PDZD2: variants seen among roughly 807,000 people sequenced by gnomAD.
PDZD2 encodes PDZ domain containing 2, also known as PDZ domain-containing protein 2.
Under a neutral mutation model 220.7 loss-of-function variants are expected in PDZD2, and 90 were observed. That is an observed-to-expected ratio of 0.41 (90% CI 0.34 to 0.49). The LOEUF (loss-of-function observed/expected upper bound fraction) is 0.49. PDZD2 is among the 20% of genes least tolerant of loss of function. The pLI is 0.28. For missense variants in PDZD2, 3,174 were observed against 3,608.5 expected, an observed-to-expected ratio of 0.88 and a Z score of 3.08; for synonymous variants, 1,375 against 1,450.5, an observed-to-expected ratio of 0.95 and a Z score of 1.18.
In PDZD2 at chr5:31,948,181, C is replaced by T. The variant is rs34133250; in HGVS notation, c.477-34974C>T. On this transcript the variant is annotated intron_variant, in intron 2 of 24. Coordinates refer to ENST00000438447, the MANE Select transcript of PDZD2 (RefSeq NM_178140.4). ...AATGGCCCATTAGTGAATCATTTCACACCCTCTGCCCTTTTTGTGGTGGCT... is the reference window on the plus strand; with the variant it reads ...AATGGCCCATTAGTGAATCATTTCATACCCTCTGCCCTTTTTGTGGTGGCT... Among the ~76,000 whole-genome samples, 1,218 of 152,278 alleles carry T rather than the reference C, an allele frequency of 8.0e-3. 12 individuals are homozygous for T. Among genetic ancestry groups the T allele is most frequent in the Middle Eastern group, 0.017 (5 of 294 alleles).
chr5:32,002,586 C>T (rs919283931), intron 5 of PDZD2, among the ~76,000 whole-genome samples: 3 of 119,146 alleles, frequency 2.5e-5, no homozygotes, highest in Non-Finnish European at 6.5e-5. Context: ...ACACCTCACA[C>T]ATACCACACA....
chr5:31,790,321 C>G (rs918513658), intron 1 of PDZD2, among the ~76,000 whole-genome samples: 6 of 152,200 alleles, frequency 3.9e-5, no homozygotes, highest in African/African-American at 1.4e-4. Context: ...TTGTCTCAGT[C>G]TCTTGACCTC....
intron 2 of PDZD2, among the ~76,000 whole-genome samples, chr5:31,867,290 T>G (rs1021861439): frequency 2.0e-5 from 3 of 152,172 alleles, no homozygotes; most frequent in Non-Finnish European, 4.4e-5. Flanking sequence ...GTGTATACAG[T>G]TGGGGGCTAT....
chr5:32,009,747 T>C (rs1367719246), intron 5 of PDZD2, among the ~76,000 whole-genome samples: 2 of 150,084 alleles, frequency 1.3e-5, no homozygotes, highest in Admixed American at 1.3e-4. Context: ...AAAAAAATGA[T>C]TGTTTTATAA....
At chr5:31,958,321 T>A (rs1468042331) in intron 2 of PDZD2, among the ~76,000 whole-genome samples, 3 of 151,536 alleles carry the variant, frequency 2.0e-5, no homozygotes, top group Non-Finnish European at 4.4e-5. Flanking sequence ...TGGTGCAGTC[T>A]CAGGTCACTG....
At chr5:32,003,103 C>T (rs1256098361) in intron 5 of PDZD2, among the ~76,000 whole-genome samples, 2 of 124,046 alleles carry the variant, frequency 1.6e-5, no homozygotes, top group Non-Finnish European at 3.4e-5. Flanking sequence ...CACACACACA[C>T]CCCACAAACA....
intron 1 of PDZD2, among the ~76,000 whole-genome samples, chr5:31,729,901 A>G (rs183102999): frequency 1.2e-4 from 19 of 152,114 alleles, no homozygotes; most frequent in African/African-American, 4.6e-4. Context: ...GATCTCGGCT[A>G]ACTGCAACCT....
chr5:32,073,919 C>G lies in PDZD2; in HGVS notation c.2813C>G (p.Thr938Arg), dbSNP rs1215435065. Residue 938 changes from threonine (T) to arginine (R), a missense_variant, in exon 18 of 25, where the codon ACA becomes AGA. Transcript: ENST00000438447. Reference protein sequence around the residue: ...RASGLFHKQVTVARQASLPGS... With the variant: ...RASGLFHKQVRVARQASLPGS... ...TCTGGGCTCTTCCACAAGCAGGTGA[C>G]AGTTGCCAGACAAGCCAGTCTCCCC... 1.2e-6 allele frequency: 2 copies of G among 1,614,100 alleles called. No individual in the cohort carries two copies. The highest frequency in any genetic ancestry group is 1.1e-5 in the South Asian group (1 of 91,080).
chr5:32,071,656 GT>G (rs59646096), intron 16 of PDZD2, among the ~76,000 whole-genome samples: 22,218 of 152,224 alleles, frequency 0.15, 1,698 homozygotes, highest in East Asian at 0.23. Context: ...CTGAACTACA[GT>G]TTGCAAAATA....
chr5:31,752,073 G>GTTTTGTTTTT lies in PDZD2; in HGVS notation c.-360-46812_-360-46811insGTTTTTTTTT, dbSNP rs1751018299. 2.3e-4 allele frequency among the ~76,000 whole-genome samples: 22 copies of GTTTTGTTTTT among 95,064 alleles called. 1 individual carries two copies. The highest frequency in any genetic ancestry group is 8.4e-4 in the African/African-American group (20 of 23,912). The allele number at this position is 95,064 out of a possible 152,430, so 62.4% of individuals were successfully genotyped here. On this transcript the variant is annotated intron_variant, in intron 1 of 24. Transcript: ENST00000438447. ...TTGTTTGTTTTATTGTTTTGGGTTT[G>GTTTTGTTTTT]TTTTTTTTTTTTTTTTTCTGAGACA...
chr5:32,089,716 C>G lies in PDZD2; in HGVS notation c.6268C>G (p.Leu2090Val). The G allele has an allele frequency of 6.2e-7, 1 of 1,614,180 alleles. No homozygotes were observed. Among genetic ancestry groups the G allele is most frequent in the Non-Finnish European group, 8.5e-7 (1 of 1,180,032 alleles). The change falls in exon 20 of 25, where the codon CTG (leucine) becomes GTG (valine). Residue 2090 changes from leucine (L) to valine (V), a missense_variant. This residue lies in a region of PDZD2 where 1,861 missense variants were observed against 2,001.0 expected (regional missense o/e 0.93). Transcript: ENST00000438447. ...CGATCGCCTCGAAAGAACAAACCAG[C>G]TGAAAATCGTGGAGATTTCTGCTGA... ...ASDRLERTNQ[L>V]KIVEISAEAV... is the part of the protein sequence containing the mutation.
At chr5:31,981,713 T>G (rs7714133) in intron 2 of PDZD2, among the ~76,000 whole-genome samples, 97,990 of 151,970 alleles carry the variant, frequency 0.64, 31,732 homozygotes, top group East Asian at 0.81. Flanking sequence ...TGGGAACGAG[T>G]GATGTGTAGA....
chr5:31,708,482 T>C (rs1289769121), intron 1 of PDZD2, among the ~76,000 whole-genome samples: 1 of 152,248 alleles, frequency 6.6e-6, no homozygotes, highest in Non-Finnish European at 1.5e-5. Context: ...AAGCTCTTTC[T>C]TTCTTTTTTC....
chr5:31,953,179 C>G (rs1339263994), intron 2 of PDZD2, among the ~76,000 whole-genome samples: 2 of 151,870 alleles, frequency 1.3e-5, no homozygotes, highest in African/African-American at 4.8e-5. Flanking sequence ...ACACACAGAT[C>G]AGTGGAACAG....
intron 3 of PDZD2, among the ~76,000 whole-genome samples, chr5:31,994,017 GT>G (rs569300692): frequency 6.6e-6 from 1 of 151,660 alleles, no homozygotes; most frequent in East Asian, 1.9e-4. Flanking sequence ...TATTGTTTTT[GT>G]TTTTTTTGTT....
intron 2 of PDZD2, chr5:31,936,282 C>T (rs1462084466): frequency 1.0e-6 from 1 of 987,540 alleles, no homozygotes; most frequent in African/African-American, 1.7e-5. Context: ...ACTTTGGAGT[C>T]TGTCCCATTC....
chr5:31,834,921 T>G (rs1295517345), intron 2 of PDZD2, among the ~76,000 whole-genome samples: 1 of 130,808 alleles, frequency 7.6e-6, no homozygotes, highest in Non-Finnish European at 1.7e-5. Flanking sequence ...ACTAGATATA[T>G]ATATAAAATC....
At chr5:31,709,324 C>T (rs188891440) in intron 1 of PDZD2, among the ~76,000 whole-genome samples, 50 of 151,796 alleles carry the variant, frequency 3.3e-4, no homozygotes, top group African/African-American at 1.2e-3. Context: ...CCCATCTCTA[C>T]AGAAAAGCAA....
chr5:32,005,902 A>G (rs1214461592), intron 5 of PDZD2, among the ~76,000 whole-genome samples: 1 of 152,076 alleles, frequency 6.6e-6, no homozygotes, highest in Non-Finnish European at 1.5e-5. Flanking sequence ...AATCCCAGCA[A>G]TTTGGGAGGC....
Sources: gnomAD v4.1 joint callset for allele counts (sites outside exome capture counted in the v4.1 genomes callset) on GRCh38, gnomAD v4.1.1 for gene constraint, gnomAD v4.1.1 regional missense constraint, MANE v1.5 for transcripts, NCBI Gene and HGNC (gene_info 2026-07-23, HGNC 2026-07-21) for gene names.